Variants in VPS35L observed in about 807,000 individuals in gnomAD.
VPS35L encodes VPS35 endosomal protein-sorting factor-like.
VPS35L carries 83 observed loss-of-function variants against 133.0 expected under a neutral mutation model. The observed-to-expected ratio is 0.62, with a 90% CI of 0.52 to 0.75. VPS35L has a LOEUF of 0.75. Ranked by LOEUF, VPS35L falls within the 30% of genes least tolerant of loss-of-function variation. VPS35L has a pLI of 0.00. For missense variants in VPS35L, 1,083 were observed against 1,206.8 expected (o/e 0.90, Z 1.52); for synonymous variants, 423 against 449.9 (o/e 0.94, Z 0.76).
At position 19,633,948 on chromosome 16, in the gene VPS35L, G is replaced by A. The variant is rs1034163773; in HGVS notation, c.1635+776G>A. Among the ~76,000 whole-genome samples, 1 of 151,842 alleles carries A rather than the reference G, an allele frequency of 6.6e-6. No homozygotes were observed. Among genetic ancestry groups the A allele is most frequent in the Non-Finnish European group, 1.5e-5 (1 of 67,942 alleles). ...TCACCGCGTTAGCCAGGGTGGTCTC[G>A]ATGTCCTGACTTCGTGATCCACCCG... is the stretch of plus-strand genomic sequence containing the variant. On this transcript the variant is annotated intron_variant, in intron 19 of 30. Coordinates refer to ENST00000417362, the MANE Select transcript of VPS35L (RefSeq NM_020314.7). The surrounding 1 kb of genome is among the most constrained non-coding windows in gnomAD (Gnocchi z 4.1).
chr16:19,581,431 A>C (rs1007427478), intron 6 of VPS35L, 94 bp from the exon 7 acceptor site: 16 of 1,342,848 alleles, frequency 1.2e-5, no homozygotes, highest in South Asian at 2.2e-5. Context: ...AAATTTAGAG[A>C]CCAAAACTCA....
chr16:19,596,233 C>T (rs1972211041), intron 8 of VPS35L, among the ~76,000 whole-genome samples: 1 of 151,920 alleles, frequency 6.6e-6, no homozygotes, highest in Non-Finnish European at 1.5e-5. Flanking sequence ...AGTCAAAGCA[C>T]CTACTTTATT....
chr16:19,588,699 A>T (rs577852682), intron 7 of VPS35L, among the ~76,000 whole-genome samples: 11 of 152,254 alleles, frequency 7.2e-5, no homozygotes, highest in African/African-American at 2.2e-4. Flanking sequence ...GTTGATGAGC[A>T]TCTGGCTCTG....
chr16:19,636,637 C>T (rs1007935638), intron 19 of VPS35L, among the ~76,000 whole-genome samples: 4 of 152,158 alleles, frequency 2.6e-5, no homozygotes, highest in African/African-American at 9.7e-5. Flanking sequence ...GGGCACATAA[C>T]GTTCTTCATG....
chr16:19,581,045 C>T (rs561245427), intron 6 of VPS35L, among the ~76,000 whole-genome samples: 7 of 152,084 alleles, frequency 4.6e-5, no homozygotes, highest in Non-Finnish European at 7.4e-5. Context: ...AGTTAATATC[C>T]GTCTGTCTTC....
At position 19,700,492 on chromosome 16, in the gene VPS35L, C is replaced by T. The variant is rs1388884041; in HGVS notation, c.*16C>T. 1 of 1,605,798 alleles carries T rather than the reference C, an allele frequency of 6.2e-7. No homozygotes were observed. The highest frequency in any genetic ancestry group is 2.2e-5 in the East Asian group (1 of 44,842). On this transcript the variant is annotated 3_prime_UTR_variant, in exon 31 of 31. Transcript: ENST00000417362. ...AAGGACCTGACCCCCGGGCCCATCC[C>T]CAGGCTCAGGGACTCTGGTGCCAAA... is the stretch of plus-strand genomic sequence containing the variant.
chr16:19,585,400 TTTTTTC>T (rs1971830323), intron 7 of VPS35L, among the ~76,000 whole-genome samples: 1 of 146,684 alleles, frequency 6.8e-6, no homozygotes, highest in South Asian at 2.2e-4. Context: ...TTCTGTTTTC[TTTTTTC>T]TTTTTTTTTT....
rs368865835 is a variant in VPS35L at position 19,700,513 on chromosome 16, C to G, written c.*37C>G. ...ATCCCCAGGCTCAGGGACTCTGGTG[C>G]CAAATCCAGAAAGATCTGCTCTGCT... On this transcript the variant is annotated 3_prime_UTR_variant, in exon 31 of 31. Transcript: ENST00000417362. 2 of 1,543,380 alleles carry G rather than the reference C, an allele frequency of 1.3e-6. No individual in the cohort carries two copies. The highest frequency in any genetic ancestry group is 1.8e-6 in the Non-Finnish European group (2 of 1,116,710).
intron 7 of VPS35L, among the ~76,000 whole-genome samples, chr16:19,589,017 T>A (rs1162402195): frequency 6.6e-6 from 1 of 152,222 alleles, no homozygotes; most frequent in Admixed American, 6.5e-5. Context: ...GTTCCTCGAT[T>A]ACTAATAAAA....
At chr16:19,631,574 C>T (rs1973457310) in intron 18 of VPS35L, among the ~76,000 whole-genome samples, 1 of 152,172 alleles carries the variant, frequency 6.6e-6, no homozygotes, top group Non-Finnish European at 1.5e-5. Context: ...CAGGAATTAT[C>T]AATTTATGAC....
chr16:19,692,712 G>GCCA (rs1183892824), intron 29 of VPS35L, among the ~76,000 whole-genome samples: 2 of 151,956 alleles, frequency 1.3e-5, no homozygotes, highest in Non-Finnish European at 2.9e-5. Context: ...TCAGGTGCCC[G>GCCA]CCACCACACC....
At chr16:19,663,610 A>C (rs756461742) in intron 26 of VPS35L, among the ~76,000 whole-genome samples, 3 of 137,366 alleles carry the variant, frequency 2.2e-5, no homozygotes, top group Non-Finnish European at 4.6e-5. Context: ...AAACATATAG[A>C]TCTGCCTTAT....
At chr16:19,558,922 C>CA (rs11294761) in intron 1 of VPS35L, among the ~76,000 whole-genome samples, 1,213 of 120,120 alleles carry the variant, frequency 0.01, 13 homozygotes, top group East Asian at 0.045. Context: ...GACTCCGTCT[C>CA]AAAAAAAAAA....
intron 9 of VPS35L, among the ~76,000 whole-genome samples, chr16:19,606,021 C>G (rs1182406890): frequency 6.6e-6 from 1 of 152,206 alleles, no homozygotes; most frequent in South Asian, 2.1e-4. Flanking sequence ...TAAAGTCCCA[C>G]GTAACATAAT....
At chr16:19,692,194 A>C (rs555889189) in intron 29 of VPS35L, among the ~76,000 whole-genome samples, 36 of 152,112 alleles carry the variant, frequency 2.4e-4, no homozygotes, top group Admixed American at 5.9e-4. Flanking sequence ...GTGAGTCTTG[A>C]AGACCTGCCT....
intron 8 of VPS35L, among the ~76,000 whole-genome samples, chr16:19,599,560 G>A (rs1972318504): frequency 6.7e-6 from 1 of 149,178 alleles, no homozygotes; most frequent in African/African-American, 2.5e-5. Context: ...TTTAAAGACA[G>A]TGTCTCACTC....
chr16:19,655,602 G>A (rs1032809462), intron 26 of VPS35L, among the ~76,000 whole-genome samples: 1 of 152,200 alleles, frequency 6.6e-6, no homozygotes, highest in Non-Finnish European at 1.5e-5. Flanking sequence ...AGGCAGGCTG[G>A]CGCAGGATGC....
rs1276491795 is a variant in VPS35L at position 19,629,920 on chromosome 16, A to G, written c.1554+100A>G. 16 of 1,079,944 alleles carry G rather than the reference A, an allele frequency of 1.5e-5. No individual in the cohort carries two copies. The Admixed American group carries it at 2.8e-4, about 19-fold the overall frequency. 66.9% of individuals were successfully genotyped at this position (1,079,944 alleles called of 1,614,324 possible). On this transcript the variant is annotated intron_variant, in intron 18 of 30. Coordinates refer to ENST00000417362, the MANE Select transcript of VPS35L (RefSeq NM_020314.7). Reference sequence around the variant, plus strand: ...AGGTATTGAGGCATTTGACAACGGTACTTGCTCTTGTAATTTATAAAAATT... The same window carrying G: ...AGGTATTGAGGCATTTGACAACGGTGCTTGCTCTTGTAATTTATAAAAATT...
rs549781580 is a variant in VPS35L, at chr16:19,613,237, A to T, written c.1023+2822A>T. ...AGAATCACTTGAACCCAGGAGGCAG[A>T]GGTTGCAGTGAGCCAAGATCGCGCC... On this transcript the variant is annotated intron_variant, in intron 12 of 30. Coordinates refer to ENST00000417362, the MANE Select transcript of VPS35L (RefSeq NM_020314.7). Among the ~76,000 whole-genome samples the T allele has an allele frequency of 5.9e-5, 9 of 152,338 alleles. No homozygotes were observed. In the South Asian group the frequency reaches 1.2e-3, roughly 21 times the overall value.
Sources: gnomAD v4.1 joint callset for allele counts (sites outside exome capture counted in the v4.1 genomes callset) on GRCh38, gnomAD v4.1.1 for gene constraint, Gnocchi (gnomAD v3.1) non-coding constraint, MANE v1.5 for transcripts, NCBI Gene and HGNC (gene_info 2026-07-23, HGNC 2026-07-21) for gene names.